PCDHGA9: variants seen among roughly 807,000 people sequenced by gnomAD.
PCDHGA9 encodes protocadherin gamma subfamily A, 9.
PCDHGA9 carries 37 observed loss-of-function variants against 62.5 expected under a neutral mutation model. The observed-to-expected ratio is 0.59, with a 90% CI of 0.46 to 0.78. The LOEUF is 0.78. PCDHGA9 is among the 30% of genes least tolerant of loss of function. PCDHGA9 has a pLI of 0.00. For missense variants in PCDHGA9, 1,138 were observed against 1,166.2 expected (o/e 0.98, Z 0.35); for synonymous variants, 459 against 484.6 (o/e 0.95, Z 0.69).
rs374229757 is a variant in PCDHGA9, at chr5:141,491,437, C to T, written c.2425-3370C>T. 4 of 1,613,978 alleles carry T rather than the reference C, an allele frequency of 2.5e-6. No homozygotes were observed. Among genetic ancestry groups the T allele is most frequent in the Admixed American group, 3.3e-5 (2 of 60,004 alleles). ...CGGGGGTGGAGGGCAGTGCTGCAGG[C>T]GCCAGGACTCACCCTCCCCGGACTT... On this transcript the variant is annotated intron_variant, in intron 1 of 3. Coordinates refer to ENST00000573521, the MANE Select transcript of PCDHGA9 (RefSeq NM_018921.3). This position sits in a 1 kb window ranked among gnomAD's most constrained non-coding sequence, Gnocchi z 6.9.
chr5:141,509,699 C>T (rs779592471), intron 3 of PCDHGA9, among the ~76,000 whole-genome samples: 4 of 152,168 alleles, frequency 2.6e-5, no homozygotes, highest in Non-Finnish European at 5.9e-5. Flanking sequence ...GGACGTTGGA[C>T]TGGAGGTGCT....
rs144018757 is a variant in PCDHGA9, at chr5:141,443,001, A to G, written c.2424+37625A>G. On this transcript the variant is annotated intron_variant, in intron 1 of 3. Transcript: ENST00000573521. ...GTTAGCCTATAATTTCAGTAAATCTAAGAATATGACTAATGGAAGTTGCCA... is the reference window on the plus strand; with the variant it reads ...GTTAGCCTATAATTTCAGTAAATCTGAGAATATGACTAATGGAAGTTGCCA... Among the ~76,000 whole-genome samples the G allele has an allele frequency of 1.3e-3, 194 of 152,312 alleles. 1 individual carries two copies. The East Asian group carries it at 0.032, about 25-fold the overall frequency.
At chr5:141,408,687 T>C (rs1394182828) in intron 1 of PCDHGA9, 3 of 1,613,928 alleles carry the variant, frequency 1.9e-6, no homozygotes, top group East Asian at 2.2e-5. Flanking sequence ...GATCCTGATA[T>C]AAACATAAAC....
intron 1 of PCDHGA9, among the ~76,000 whole-genome samples, chr5:141,465,888 C>T (rs1031908926): frequency 5.3e-5 from 8 of 151,942 alleles, no homozygotes; most frequent in South Asian, 2.1e-4. Context: ...TTTGGGAGGC[C>T]GAGGCGGGCA....
intron 1 of PCDHGA9, among the ~76,000 whole-genome samples, chr5:141,451,429 G>A (rs577699188): frequency 1.3e-3 from 195 of 152,306 alleles, no homozygotes; most frequent in African/African-American, 4.5e-3. Flanking sequence ...TAGACTAAGG[G>A]TTCCAGTTCC....
At chr5:141,408,280 C>A in intron 1 of PCDHGA9, 4 of 1,612,648 alleles carry the variant, frequency 2.5e-6, no homozygotes, top group Non-Finnish European at 3.4e-6. Context: ...CTTTGTTCTA[C>A]CCCACCCTGA....
chr5:141,410,045 G>C (rs962300160), intron 1 of PCDHGA9: 1 of 1,613,166 alleles, frequency 6.2e-7, no homozygotes. Context: ...CAGTGAGCCC[G>C]GACTCTTCAG....
rs781550738 is a variant in PCDHGA9 at position 141,487,383 on chromosome 5, C to A, written c.2425-7424C>A. On this transcript the variant is annotated intron_variant, in intron 1 of 3. Transcript: ENST00000573521. This position sits in a 1 kb window ranked among gnomAD's most constrained non-coding sequence, Gnocchi z 5.0. Reference sequence around the variant, plus strand: ...GGCACCTGTGCCTGTCTCACCAGATCTCGAAGGAGGGAGGGGCTTCCCCCT... The same window carrying A: ...GGCACCTGTGCCTGTCTCACCAGATATCGAAGGAGGGAGGGGCTTCCCCCT... The A allele has an allele frequency of 3.7e-6, 6 of 1,614,196 alleles. No individual in the cohort carries two copies. The South Asian group carries it at 6.6e-5, about 18-fold the overall frequency.
At chr5:141,492,495 G>A (rs750427038) in intron 1 of PCDHGA9, among the ~76,000 whole-genome samples, 65 of 152,186 alleles carry the variant, frequency 4.3e-4, no homozygotes, top group Non-Finnish European at 6.0e-4. Context: ...ACCAGGCGAG[G>A]ACTCCGGAGC....
rs1264688160 is a variant in PCDHGA9, at chr5:141,493,193, G to A, written c.2425-1614G>A. 6.6e-6 allele frequency among the ~76,000 whole-genome samples: 1 copy of A among 152,128 alleles called. No individual in the cohort carries two copies. On this transcript the variant is annotated intron_variant, in intron 1 of 3. Transcript: ENST00000573521. This position sits in a 1 kb window ranked among gnomAD's most constrained non-coding sequence, Gnocchi z 4.3. ...GAGAAACTTACTATATAACTCCTTT[G>A]AGAACCTCATCTCATTTGCTCTTCC...
chr5:141,423,757 G>GGC, intron 1 of PCDHGA9: 1 of 395,122 alleles, frequency 2.5e-6, no homozygotes, highest in East Asian at 1.5e-4. Context: ...GTTTGGGGGG[G>GGC]GGGTGGGGCG....
intron 1 of PCDHGA9, chr5:141,407,951 A>G (rs1256400393): frequency 1.7e-6 from 1 of 578,448 alleles, no homozygotes; most frequent in Non-Finnish European, 2.8e-6. Flanking sequence ...GCTGTCGGCC[A>G]GTGCAGAGCA....
At position 141,476,513 on chromosome 5, in the gene PCDHGA9, C is replaced by T; in HGVS notation, c.2425-18294C>T. 1 of 1,614,196 alleles carries T rather than the reference C, an allele frequency of 6.2e-7. No individual in the cohort carries two copies. Among genetic ancestry groups the T allele is most frequent in the Non-Finnish European group, 8.5e-7 (1 of 1,180,034 alleles). On this transcript the variant is annotated intron_variant, in intron 1 of 3. Coordinates refer to ENST00000573521, the MANE Select transcript of PCDHGA9 (RefSeq NM_018921.3). The surrounding 1 kb of genome is among the most constrained non-coding windows in gnomAD (Gnocchi z 7.6). ...GATCCAGGACATCAACGACAACAAT[C>T]CTGCTTTCCCTACCCAGGAAATGAA...
chr5:141,413,139 C>A, intron 1 of PCDHGA9: 1 of 1,553,028 alleles, frequency 6.4e-7, no homozygotes. Context: ...ACAACGTGTC[C>A]AGTGAGGACT....
intron 2 of PCDHGA9, among the ~76,000 whole-genome samples, chr5:141,501,032 C>A (rs1370625012): frequency 6.6e-6 from 1 of 151,976 alleles, no homozygotes; most frequent in Non-Finnish European, 1.5e-5. Context: ...CCACGCCCAG[C>A]TAATTTTTGT....
At chr5:141,507,810 G>C (rs550331241) in intron 3 of PCDHGA9, among the ~76,000 whole-genome samples, 5 of 152,172 alleles carry the variant, frequency 3.3e-5, no homozygotes, top group Non-Finnish European at 2.9e-5. Context: ...CCTGGGGAAC[G>C]GACCCTGGGG....
At chr5:141,427,450 C>A in intron 1 of PCDHGA9, 1 of 486,442 alleles carries the variant, frequency 2.1e-6, no homozygotes, top group Non-Finnish European at 4.0e-6. Context: ...GAAAGAGTTC[C>A]TTTTAGAATC....
chr5:141,421,071 A>G (rs1197006989), intron 1 of PCDHGA9: 1 of 608,760 alleles, frequency 1.6e-6, no homozygotes, highest in East Asian at 2.9e-5. Flanking sequence ...GCGGAATGAG[A>G]TGGATACTCA....
Position 141,511,156 on chromosome 5 carries a change from A to G in PCDHGA9, c.2782A>G (p.Lys928Glu), listed in dbSNP as rs2099883637. 6.2e-7 allele frequency: 1 copy of G among 1,614,080 alleles called. No individual in the cohort carries two copies. The highest frequency in any genetic ancestry group is 1.3e-5 in the African/African-American group (1 of 74,940). Residue 928 changes from lysine (K) to glutamate (E), a missense_variant, in exon 4 of 4, where the codon AAG (lysine) becomes GAG (glutamate). By Grantham distance (56) the Lys-to-Glu change is moderately conservative (BLOSUM62 1). Transcript: ENST00000573521. ...CAATGGCAACAAGAAGAAGTCGGGC[A>G]AGAAGGAGAAGAAGTAACATGGAGG... is the stretch of plus-strand genomic sequence containing the variant. ...GGNGNKKKSG[K>E]KEKK
Sources: gnomAD v4.1 joint callset for allele counts (sites outside exome capture counted in the v4.1 genomes callset) on GRCh38, gnomAD v4.1.1 for gene constraint, Gnocchi (gnomAD v3.1) non-coding constraint, MANE v1.5 for transcripts, NCBI Gene and HGNC (gene_info 2026-07-23, HGNC 2026-07-21) for gene names.